SLC25A28: variants seen among roughly 807,000 people sequenced by gnomAD.
The protein encoded by SLC25A28 is solute carrier family 25 member 28.
Under a neutral mutation model 31.9 loss-of-function variants are expected in SLC25A28, and 10 were observed. The observed-to-expected ratio is 0.31, with a 90% confidence interval of 0.19 to 0.53. The LOEUF (loss-of-function observed/expected upper bound fraction) is 0.53. SLC25A28 is among the 20% of genes least tolerant of loss of function. The pLI is 0.95. For synonymous variants in SLC25A28, 208 were observed against 203.6 expected, an observed-to-expected ratio of 1.02 and a Z score of -0.19; for missense variants, 256 against 490.3, an observed-to-expected ratio of 0.52 and a Z score of 4.51.
Position 99,611,371 on chromosome 10 carries a change from T to C in SLC25A28, c.578-5A>G, listed in dbSNP as rs773038257. 11 of 1,612,098 alleles carry C rather than the reference T, an allele frequency of 6.8e-6. No homozygotes were observed. The highest frequency in any genetic ancestry group is 8.5e-6 in the Non-Finnish European group (10 of 1,178,696). On this transcript the variant is annotated splice_polypyrimidine_tract_variant and splice_region_variant and intron_variant, in intron 3 of 3. Transcript: ENST00000370495. This position sits in a 1 kb window ranked among gnomAD's most constrained non-coding sequence, Gnocchi z 5.5. Reference sequence around the variant, plus strand: ...TCTGCATCCTCTGCTTGACCACTAGTAGTGCCATCAACGAGGAAGGAAATG... The same window carrying C: ...TCTGCATCCTCTGCTTGACCACTAGCAGTGCCATCAACGAGGAAGGAAATG...
At chr10:99,657,362 GT>G in the SLC25A28 span, among the ~76,000 whole-genome samples, 1 of 152,020 alleles carries the variant, frequency 6.6e-6, no homozygotes, top group African/African-American at 2.4e-5. Context: ...ACTGAACTGG[GT>G]TCTGAAATAA....
the SLC25A28 span, among the ~76,000 whole-genome samples, chr10:99,631,218 G>A: frequency 2.0e-5 from 3 of 152,166 alleles, no homozygotes; most frequent in Admixed American, 2.0e-4. Flanking sequence ...ATTCTAAGTT[G>A]AAGTTGGGCA....
the SLC25A28 span, among the ~76,000 whole-genome samples, chr10:99,640,095 A>G: frequency 6.6e-6 from 1 of 152,260 alleles, no homozygotes; most frequent in Non-Finnish European, 1.5e-5. Flanking sequence ...TGAGCGGCTC[A>G]CTATGTGCCA....
In SLC25A28 at chr10:99,611,693, C is replaced by G; in HGVS notation, c.578-327G>C. Reference sequence around the variant, plus strand: ...AAGTACCTATCTCTGATCTTACCCTCTAACAATTCCCAACAAGAAATGACT... The same window carrying G: ...AAGTACCTATCTCTGATCTTACCCTGTAACAATTCCCAACAAGAAATGACT... On this transcript the variant is annotated intron_variant, in intron 3 of 3. Transcript: ENST00000370495. The surrounding 1 kb of genome is among the most constrained non-coding windows in gnomAD (Gnocchi z 5.5). 6.6e-6 allele frequency among the ~76,000 whole-genome samples: 1 copy of G among 152,164 alleles called. No homozygotes were observed. Among genetic ancestry groups the G allele is most frequent in the East Asian group, 1.9e-4 (1 of 5,188 alleles).
chr10:99,643,244 G>A, the SLC25A28 span, among the ~76,000 whole-genome samples: 2 of 152,234 alleles, frequency 1.3e-5, no homozygotes, highest in South Asian at 2.1e-4. Context: ...CAATTTCAGA[G>A]CCTGTTACCA....
chr10:99,630,738 G>A, the SLC25A28 span, among the ~76,000 whole-genome samples: 1 of 152,166 alleles, frequency 6.6e-6, no homozygotes, highest in East Asian at 1.9e-4. Context: ...TCCACGCATG[G>A]TCTCTTCTCT....
chr10:99,617,479 A>T (rs2034685544), intron 1 of SLC25A28: 1 of 975,984 alleles, frequency 1.0e-6, no homozygotes, highest in African/African-American at 1.9e-5. Flanking sequence ...ATCTGCCTCC[A>T]GTCTTAAAGA....
At chr10:99,630,668 T>C in the SLC25A28 span, among the ~76,000 whole-genome samples, 1 of 152,336 alleles carries the variant, frequency 6.6e-6, no homozygotes, top group African/African-American at 2.4e-5. Flanking sequence ...AGCCAATTCA[T>C]TTATTCTCTC....
upstream of SLC25A28, chr10:99,620,624 T>C (rs2034770086): frequency 1.0e-6 from 1 of 996,020 alleles, no homozygotes; most frequent in African/African-American, 1.7e-5. Context: ...TCCCCTTTGA[T>C]CTTAGAAGCT....
chr10:99,636,701 TAA>T, the SLC25A28 span, among the ~76,000 whole-genome samples: 1 of 152,170 alleles, frequency 6.6e-6, no homozygotes, highest in East Asian at 1.9e-4. Context: ...AAAAGATGGA[TAA>T]ATACCTGGAA....
upstream of SLC25A28, chr10:99,620,560 G>A: frequency 2.9e-6 from 3 of 1,020,538 alleles, no homozygotes; most frequent in Non-Finnish European, 2.3e-6. Flanking sequence ...TATTAGCGAA[G>A]TCGCCTGTCA....
At chr10:99,623,143 G>T (rs2133370375), upstream of SLC25A28, among the ~76,000 whole-genome samples, 1 of 152,314 alleles carries the variant, frequency 6.6e-6, no homozygotes, top group Non-Finnish European at 1.5e-5. Context: ...GACAGACTTG[G>T]AGAAGGGCAT....
intron 2 of SLC25A28, 126 bp from the exon 3 acceptor site, chr10:99,612,725 C>T: frequency 9.5e-7 from 1 of 1,055,886 alleles, no homozygotes; most frequent in South Asian, 1.3e-5. Flanking sequence ...AGAGCTAGTC[C>T]AAAAGATGGG....
At chr10:99,623,957 T>C (rs1251186641), upstream of SLC25A28, among the ~76,000 whole-genome samples, 3 of 152,210 alleles carry the variant, frequency 2.0e-5, no homozygotes, top group Non-Finnish European at 2.9e-5. Context: ...TGATGATAAA[T>C]GATGTTACCT....
the SLC25A28 span, among the ~76,000 whole-genome samples, chr10:99,627,327 A>G: frequency 6.6e-6 from 1 of 152,212 alleles, no homozygotes; most frequent in African/African-American, 2.4e-5. Context: ...TAGGCCTGCA[A>G]TGTGAAATAA....
At chr10:99,648,693 T>G in the SLC25A28 span, among the ~76,000 whole-genome samples, 18 of 151,204 alleles carry the variant, frequency 1.2e-4, no homozygotes, top group Middle Eastern at 3.2e-3. Context: ...TAGGTTTTTT[T>G]TTTTTTTTTT....
chr10:99,634,017 C>G, the SLC25A28 span, among the ~76,000 whole-genome samples: 4 of 152,216 alleles, frequency 2.6e-5, no homozygotes, highest in South Asian at 2.1e-4. Flanking sequence ...GCTGGGTAGA[C>G]TTGCTGGGCA....
Position 99,613,351 on chromosome 10 carries a change from A to C in SLC25A28, c.520+345T>G. The C allele has an allele frequency of 8.6e-7, 1 of 1,156,412 alleles. No individual in the cohort carries two copies. Among genetic ancestry groups the C allele is most frequent in the Non-Finnish European group, 1.1e-6 (1 of 928,974 alleles). The allele number at this position is 1,156,412 out of a possible 1,614,324, so 71.6% of individuals were successfully genotyped here. ...CTGGGTCGCCTCCAATCCTGCCCTA[A>C]GGAGCAGGACACCACCCAACTGTCA... On this transcript the variant is annotated intron_variant, in intron 2 of 3. Coordinates refer to ENST00000370495, the MANE Select transcript of SLC25A28 (RefSeq NM_031212.4). This position sits in a 1 kb window ranked among gnomAD's most constrained non-coding sequence, Gnocchi z 4.9.
the SLC25A28 span, among the ~76,000 whole-genome samples, chr10:99,646,901 A>G: frequency 6.6e-6 from 1 of 152,164 alleles, no homozygotes; most frequent in South Asian, 2.1e-4. Context: ...TTTAGCTCCC[A>G]CTTATAAGTG....
Sources: gnomAD v4.1 joint callset for allele counts (sites outside exome capture counted in the v4.1 genomes callset) on GRCh38, gnomAD v4.1.1 for gene constraint, Gnocchi (gnomAD v3.1) non-coding constraint, MANE v1.5 for transcripts, NCBI Gene and HGNC (gene_info 2026-07-23, HGNC 2026-07-21) for gene names.